The following VWA3B variants were observed in gnomAD, a reference collection of about 807,000 sequenced individuals.
The protein encoded by VWA3B is von Willebrand factor A domain-containing protein 3B.
VWA3B carries 138 observed loss-of-function variants against 158.3 expected under a neutral mutation model. That is an observed-to-expected ratio of 0.87 (90% CI 0.76 to 1.00). VWA3B has a LOEUF of 1.00. Ranked by LOEUF, VWA3B falls within the 50% of genes least tolerant of loss-of-function variation. The probability of loss-of-function intolerance (pLI) is 0.00; values close to 1 mark genes in which losing one functional copy is unlikely to be tolerated. For missense variants in VWA3B, 1,555 were observed against 1,565.1 expected (o/e 0.99, Z 0.11); for synonymous variants, 596 against 587.3 (o/e 1.01, Z -0.21).
At chr2:98,186,335 C>A (rs944301064) in intron 9 of VWA3B, among the ~76,000 whole-genome samples, 3 of 151,960 alleles carry the variant, frequency 2.0e-5, no homozygotes, top group African/African-American at 7.3e-5. Flanking sequence ...TGGGTGGTCT[C>A]CTCCAGTCCC....
rs555279786 is a variant in VWA3B, at chr2:98,138,569, G to A, written c.988+4630G>A. On this transcript the variant is annotated intron_variant, in intron 7 of 27. Transcript: ENST00000477737. ...GAGTGATGACAAATATGTGTGGGGC[G>A]GGGGCGCGGATCTCATAATATTCAT... Among the ~76,000 whole-genome samples the A allele has an allele frequency of 7.9e-5, 12 of 152,086 alleles. No homozygotes were observed. The South Asian group carries it at 1.0e-3, about 13-fold the overall frequency.
At chr2:98,169,847 G>A (rs1679430762) in intron 8 of VWA3B, among the ~76,000 whole-genome samples, 1 of 151,940 alleles carries the variant, frequency 6.6e-6, no homozygotes, top group African/African-American at 2.4e-5. Context: ...GGCTGGGCAT[G>A]GTGGCTCACA....
At chr2:98,267,158 A>T (rs1687893715) in intron 21 of VWA3B, among the ~76,000 whole-genome samples, 2 of 151,370 alleles carry the variant, frequency 1.3e-5, no homozygotes, top group Admixed American at 1.3e-4. Context: ...GTTTTTGCCC[A>T]TTCAGTATGA....
At chr2:98,109,989 T>C (rs1027111991) in intron 2 of VWA3B, among the ~76,000 whole-genome samples, 1 of 152,098 alleles carries the variant, frequency 6.6e-6, no homozygotes, top group African/African-American at 2.4e-5. Flanking sequence ...ATTTATTATC[T>C]TCGAATTTCA....
intron 23 of VWA3B, chr2:98,291,913 T>C (rs1353427663): frequency 6.9e-6 from 1 of 145,778 alleles, no homozygotes; most frequent in Admixed American, 6.8e-5. Flanking sequence ...AAAAGGGAAC[T>C]GGGAGAAAAC....
At chr2:98,161,114 G>C (rs891932165) in intron 7 of VWA3B, among the ~76,000 whole-genome samples, 1 of 152,162 alleles carries the variant, frequency 6.6e-6, no homozygotes, top group Non-Finnish European at 1.5e-5. Context: ...TGTGATTGTG[G>C]GATATTGGGC....
chr2:98,092,816 GTATATATATATATATATATATATA>G (rs70940110), intron 1 of VWA3B, among the ~76,000 whole-genome samples: 3,841 of 51,562 alleles, frequency 0.074, 318 homozygotes, highest in African/African-American at 0.2. Flanking sequence ...AGATGTTTTT[GTATATATATATATATATATATATA>G]TATATATATA....
downstream of VWA3B, among the ~76,000 whole-genome samples, chr2:98,316,677 A>G (rs1367522542): frequency 3.3e-5 from 5 of 150,846 alleles, no homozygotes; most frequent in South Asian, 2.1e-4. Flanking sequence ...TGTAATCCCC[A>G]ATGTTTGAGG....
intron 12 of VWA3B, among the ~76,000 whole-genome samples, chr2:98,204,576 G>A (rs938447587): frequency 3.3e-5 from 5 of 152,132 alleles, no homozygotes; most frequent in Non-Finnish European, 7.3e-5. Context: ...TGGTCATGAT[G>A]TATTATTCAT....
At position 98,273,297 on chromosome 2, in the gene VWA3B, TTC is replaced by T. The variant is rs749121642; in HGVS notation, c.3045+2418_3045+2419del. 3.9e-5 allele frequency among the ~76,000 whole-genome samples: 6 copies of T among 152,254 alleles called. No homozygotes were observed. In the East Asian group the frequency reaches 5.8e-4, roughly 15 times the overall value. On this transcript the variant is annotated intron_variant, in intron 22 of 27. Coordinates refer to ENST00000477737, the MANE Select transcript of VWA3B (RefSeq NM_144992.5). ...GTTTTGTTTCATTTTGTTTTGTTTG[TTC>T]TCTTTCATTTTATTCTTTCTTCTGC...
rs768350906 is a variant in VWA3B at position 98,256,153 on chromosome 2, TATCTCAAGAGGAAAAAG to T, written c.2824_2840del (p.Ser942LysfsTer39). The stretch of plus-strand genomic sequence containing the variant: ...TTGAATAAAATTGTTTGGCGAGCAT[TATCTCAAGAGGAAAAAG>T]AAAAGTAAGCCATTCCATTCCCTCC... On this transcript the variant is annotated frameshift_variant, in exon 21 of 28. Transcript: ENST00000477737. LOFTEE classifies it high-confidence loss of function. 51 of 1,613,226 alleles carry T rather than the reference TATCTCAAGAGGAAAAAG, an allele frequency of 3.2e-5. No homozygotes were observed. Among genetic ancestry groups the T allele is most frequent in the Non-Finnish European group, 4.2e-5 (50 of 1,179,868 alleles).
chr2:98,238,795 G>T (rs796091804), intron 19 of VWA3B, among the ~76,000 whole-genome samples: 1 of 152,050 alleles, frequency 6.6e-6, no homozygotes, highest in Admixed American at 6.6e-5. Context: ...ATAAAGCACC[G>T]TGTTTGTATG....
chr2:98,174,362 G>T (rs1679835394), intron 8 of VWA3B, among the ~76,000 whole-genome samples: 1 of 152,196 alleles, frequency 6.6e-6, no homozygotes, highest in African/African-American at 2.4e-5. Context: ...GCAGGATGGG[G>T]TTGGAGTTCC....
chr2:98,121,550 A>G (rs1290686906), intron 5 of VWA3B, 92 bp downstream of exon 5: 2 of 1,494,956 alleles, frequency 1.3e-6, no homozygotes, highest in Non-Finnish European at 1.8e-6. Context: ...CCTTCAACTG[A>G]TCTTGGGCCC....
rs1464217482 is a variant in VWA3B at position 98,115,672 on chromosome 2, A to T, written c.217A>T (p.Arg73Ter). The T allele has an allele frequency of 5.6e-6, 9 of 1,613,656 alleles. No homozygotes were observed. Among genetic ancestry groups the T allele is most frequent in the Non-Finnish European group, 7.6e-6 (9 of 1,179,972 alleles). Residue 73 changes from arginine to a stop codon, truncating the protein, a stop_gained, in exon 3 of 28, where the codon AGA becomes TGA. Coordinates refer to ENST00000477737, the MANE Select transcript of VWA3B (RefSeq NM_144992.5). LOFTEE classifies it high-confidence loss of function. Reference protein sequence around the residue: ...HCEDYVASLGRPVASRYADGL... With the variant: ...HCEDYVASLG ...TGCAGATTATGTGGCGTCTCTGGGG[A>T]GACCTGTGGCTTCTCGGTATGCTGA...
intron 7 of VWA3B, among the ~76,000 whole-genome samples, chr2:98,146,285 G>C (rs1343129285): frequency 6.6e-6 from 1 of 152,136 alleles, no homozygotes; most frequent in African/African-American, 2.4e-5. Flanking sequence ...TTGTTTGGAT[G>C]CTATGTATCA....
chr2:98,230,204 G>A lies in VWA3B; in HGVS notation c.2305G>A (p.Ala769Thr), dbSNP rs370641061. The change falls in exon 16 of 28, where the codon GCA (alanine) becomes ACA (threonine). Residue 769 changes from alanine (A) to threonine (T), a missense_variant. Coordinates refer to ENST00000477737, the MANE Select transcript of VWA3B (RefSeq NM_144992.5). ...QKVQKKKVLH[A>T]ESTKTSLLRS... is the part of the protein sequence containing the mutation. ...GGTTCAGAAAAAGAAAGTCCTTCAC[G>A]CAGGTATCAGTGAACAAAATGGCTT... The A allele has an allele frequency of 3.3e-5, 52 of 1,563,700 alleles. No homozygotes were observed. The highest frequency in any genetic ancestry group is 4.1e-5 in the African/African-American group (3 of 72,346).
At chr2:98,238,994 C>T (rs1409047809) in intron 19 of VWA3B, among the ~76,000 whole-genome samples, 2 of 152,166 alleles carry the variant, frequency 1.3e-5, no homozygotes, top group Non-Finnish European at 2.9e-5. Flanking sequence ...ATCAATTAGA[C>T]ACCACCTCCC....
At chr2:98,305,323 C>T (rs891677172) in intron 26 of VWA3B, among the ~76,000 whole-genome samples, 3 of 152,142 alleles carry the variant, frequency 2.0e-5, no homozygotes, top group Non-Finnish European at 2.9e-5. Flanking sequence ...CTGAAAGCCC[C>T]CAGCTGGTTG....
Sources: gnomAD v4.1 joint callset for allele counts (sites outside exome capture counted in the v4.1 genomes callset) on GRCh38, gnomAD v4.1.1 for gene constraint, MANE v1.5 for transcripts, NCBI Gene and HGNC (gene_info 2026-07-23, HGNC 2026-07-21) for gene names.